The following AP4E1 variants were observed in gnomAD, a reference collection of about 807,000 sequenced individuals.
AP4E1 encodes AP-4 complex subunit epsilon-1.
In AP4E1, 56 loss-of-function variants were observed where a neutral mutation model predicts 128.2. The observed-to-expected ratio is 0.44, with a 90% CI of 0.35 to 0.55. The LOEUF is 0.55. Among genes scored for constraint, AP4E1 ranks in the 20% least tolerant of loss-of-function variants. AP4E1 has a pLI of 0.00. For synonymous variants in AP4E1, 484 were observed against 473.1 expected, an observed-to-expected ratio of 1.02 and a Z score of -0.30; for missense variants, 1,324 against 1,307.7, an observed-to-expected ratio of 1.01 and a Z score of -0.19.
chr15:50,923,787 G>T, intron 3 of AP4E1, 144 bp from the exon 4 acceptor site: 1 of 663,490 alleles, frequency 1.5e-6, no homozygotes, highest in Non-Finnish European at 2.7e-6. Context: ...CTTACTGAAG[G>T]TTTTTAACCT....
intron 1 of AP4E1, 119 bp from the exon 2 acceptor site, chr15:50,911,959 T>G (rs990254136): frequency 2.3e-6 from 2 of 874,270 alleles, no homozygotes; most frequent in African/African-American, 3.4e-5. Context: ...TAACTCTCCT[T>G]TAAAATAATG....
At chr15:50,994,076 C>A (rs1250158382) in intron 17 of AP4E1, among the ~76,000 whole-genome samples, 1 of 152,070 alleles carries the variant, frequency 6.6e-6, no homozygotes, top group Non-Finnish European at 1.5e-5. Context: ...AATAATATTG[C>A]TTTGTAAAAT....
intron 13 of AP4E1, among the ~76,000 whole-genome samples, chr15:50,952,952 A>C (rs1214326729): frequency 6.6e-6 from 1 of 151,974 alleles, no homozygotes; most frequent in African/African-American, 2.4e-5. Context: ...GGCCTGGTGC[A>C]GTGGTTCATG....
chr15:50,956,918 G>A (rs2064231867), intron 13 of AP4E1, among the ~76,000 whole-genome samples: 1 of 152,168 alleles, frequency 6.6e-6, no homozygotes, highest in African/African-American at 2.4e-5. Context: ...AACCCCTCGC[G>A]GGAGGGTGAG....
chr15:50,924,751 C>G (rs1046302299), intron 4 of AP4E1, among the ~76,000 whole-genome samples: 4 of 152,108 alleles, frequency 2.6e-5, no homozygotes, highest in East Asian at 3.8e-4. Flanking sequence ...TTTAAACTTA[C>G]ATTCATATTA....
intron 13 of AP4E1, among the ~76,000 whole-genome samples, chr15:50,951,254 T>G (rs1394832911): frequency 6.6e-6 from 1 of 152,140 alleles, no homozygotes; most frequent in Non-Finnish European, 1.5e-5. Flanking sequence ...TTCGAGCTCG[T>G]GTGGTTGTTG....
intron 15 of AP4E1, among the ~76,000 whole-genome samples, chr15:50,979,913 T>C (rs2064617833): frequency 6.6e-6 from 1 of 152,214 alleles, no homozygotes; most frequent in Non-Finnish European, 1.5e-5. Context: ...AAGCTGTTGC[T>C]ATTAAAAATA....
intron 17 of AP4E1, among the ~76,000 whole-genome samples, chr15:50,993,930 G>A (rs767998009): frequency 2.6e-5 from 4 of 152,186 alleles, no homozygotes; most frequent in Non-Finnish European, 4.4e-5. Context: ...GTGGGTGGAC[G>A]GGGCAGTTCT....
intron 5 of AP4E1, 47 bp from the exon 6 acceptor site, chr15:50,928,962 C>G (rs1458778742): frequency 2.5e-6 from 4 of 1,590,068 alleles, no homozygotes; most frequent in Non-Finnish European, 3.4e-6. Flanking sequence ...AAAGTAAATA[C>G]TTGAGAATTC....
chr15:50,982,418 AG>A (rs1362619748), intron 15 of AP4E1, among the ~76,000 whole-genome samples: 1 of 152,234 alleles, frequency 6.6e-6, no homozygotes, highest in East Asian at 1.9e-4. Context: ...GTTATGAATC[AG>A]AATCACAAAG....
chr15:50,911,929 T>G, intron 1 of AP4E1, 149 bp from the exon 2 acceptor site: 2 of 705,954 alleles, frequency 2.8e-6, no homozygotes, highest in Non-Finnish European at 4.9e-6. Context: ...TTTAGATAGA[T>G]CGTAAGCAGA....
chr15:50,916,948 T>C (rs189599629), intron 3 of AP4E1, among the ~76,000 whole-genome samples: 1 of 152,320 alleles, frequency 6.6e-6, no homozygotes, highest in East Asian at 1.9e-4. Flanking sequence ...AATTTGCTTT[T>C]CTTAAAACTT....
At chr15:50,968,411 G>A (rs745538084) in intron 15 of AP4E1, 34 bp downstream of exon 15, 9 of 1,444,584 alleles carry the variant, frequency 6.2e-6, no homozygotes, top group Admixed American at 3.5e-5. Context: ...AAGCTAGAGT[G>A]TAGGGATGTA....
At chr15:50,977,962 G>A (rs2064581664) in intron 15 of AP4E1, among the ~76,000 whole-genome samples, 1 of 151,982 alleles carries the variant, frequency 6.6e-6, no homozygotes, top group Non-Finnish European at 1.5e-5. Flanking sequence ...TCCCTCTTCT[G>A]CCTCCAAAAA....
intron 15 of AP4E1, among the ~76,000 whole-genome samples, chr15:50,978,790 CCACATATGTGCA>C (rs1435614031): frequency 6.6e-6 from 1 of 152,150 alleles, no homozygotes; most frequent in Non-Finnish European, 1.5e-5. Context: ...TCCTTCTGTT[CCACATATGTGCA>C]TGAGCTCTTG....
At chr15:50,933,012 G>A (rs974270740) in intron 7 of AP4E1, among the ~76,000 whole-genome samples, 2 of 152,114 alleles carry the variant, frequency 1.3e-5, no homozygotes, top group African/African-American at 2.4e-5. Context: ...GCCATCCATT[G>A]TTATCAGGAA....
At chr15:50,977,706 G>GTTTTTTTTTGTTTT (rs2064572048) in intron 15 of AP4E1, among the ~76,000 whole-genome samples, 1 of 80,288 alleles carries the variant, frequency 1.2e-5, no homozygotes, top group Non-Finnish European at 2.6e-5. Context: ...ATCTGTTATG[G>GTTTTTTTTTGTTTT]TTTTTTTTTT....
chr15:50,924,498 G>T (rs1032378832), intron 4 of AP4E1, among the ~76,000 whole-genome samples: 4 of 152,078 alleles, frequency 2.6e-5, no homozygotes, highest in Non-Finnish European at 1.5e-5. Flanking sequence ...AAATCAAAAT[G>T]ATAATGAGAT....
At chr15:50,909,411 A>G (rs2063536716) in intron 1 of AP4E1, among the ~76,000 whole-genome samples, 1 of 152,122 alleles carries the variant, frequency 6.6e-6, no homozygotes, top group Non-Finnish European at 1.5e-5. Flanking sequence ...GCATACCTGA[A>G]GAGATCCTGT....
Sources: gnomAD v4.1 joint callset for allele counts (sites outside exome capture counted in the v4.1 genomes callset) on GRCh38, gnomAD v4.1.1 for gene constraint, MANE v1.5 for transcripts, NCBI Gene and HGNC (gene_info 2026-07-23, HGNC 2026-07-21) for gene names.